The following STAG3 variants were observed in gnomAD, a reference collection of about 807,000 sequenced individuals.
STAG3 encodes the protein cohesin subunit SA-3.
Under a neutral mutation model 160.7 loss-of-function variants are expected in STAG3, and 101 were observed. The observed-to-expected ratio is 0.63, with a 90% CI of 0.54 to 0.74. The LOEUF is 0.74. STAG3 is among the 30% of genes least tolerant of loss of function. The pLI, the probability that STAG3 is intolerant of heterozygous loss-of-function variation, is 0.00. For missense variants in STAG3, 1,188 were observed against 1,517.4 expected (o/e 0.78, Z 3.61); for synonymous variants, 519 against 585.0 (o/e 0.89, Z 1.63).
chr7:100,186,671 CAG>C (rs1167458640), intron 5 of STAG3, among the ~76,000 whole-genome samples: 1 of 151,946 alleles, frequency 6.6e-6, no homozygotes, highest in African/African-American at 2.4e-5. Flanking sequence ...GCGACAGAGC[CAG>C]ACTGTCTTCA....
At chr7:100,204,876 A>G in intron 27 of STAG3, 101 bp downstream of exon 27, 1 of 1,513,194 alleles carries the variant, frequency 6.6e-7, no homozygotes, top group East Asian at 2.4e-5. Flanking sequence ...CATAGCAGTC[A>G]GGTTAGGGGT....
Position 100,199,376 on chromosome 7 carries a change from C to G in STAG3, c.1573+9C>G. The G allele has an allele frequency of 6.2e-7, 1 of 1,610,866 alleles. No homozygotes were observed. The highest frequency in any genetic ancestry group is 1.3e-5 in the African/African-American group (1 of 74,950). On this transcript the variant is annotated intron_variant, in intron 15 of 33. Transcript: ENST00000615138. ...GCTGGAGAAGGACCAGAGTACGTGT[C>G]ACACGGAGCCAGGGACAGGGACCTT...
chr7:100,213,636 A>G (rs1028290583), intron 32 of STAG3, 99 bp from the exon 33 acceptor site: 1 of 1,588,004 alleles, frequency 6.3e-7, no homozygotes, highest in African/African-American at 1.3e-5. Context: ...CTGTGCCCAT[A>G]TTTGTTCTTA....
chr7:100,185,319 G>T (rs1458579370), intron 4 of STAG3, among the ~76,000 whole-genome samples: 2 of 152,128 alleles, frequency 1.3e-5, no homozygotes, highest in African/African-American at 4.8e-5. Flanking sequence ...ATTCTGGGCT[G>T]GGTGTGGTGG....
chr7:100,204,504 A>C, intron 26 of STAG3, 123 bp from the exon 27 acceptor site: 1 of 1,214,638 alleles, frequency 8.2e-7, no homozygotes, highest in Non-Finnish European at 1.1e-6. Context: ...GGAAGGAAAG[A>C]GTAAAAGTAG....
intron 16 of STAG3, 135 bp from the exon 17 acceptor site, chr7:100,200,101 A>T (rs1429695343): frequency 8.2e-6 from 5 of 612,690 alleles, no homozygotes; most frequent in Non-Finnish European, 1.4e-5. Context: ...ATTTCCAGAA[A>T]AAAGAAATCT....
In STAG3 at chr7:100,198,001, C is replaced by T. The variant is rs2117260606; in HGVS notation, c.1165-86C>T. On this transcript the variant is annotated intron_variant, in intron 11 of 33. Coordinates refer to ENST00000615138, the MANE Select transcript of STAG3 (RefSeq NM_001282717.2). ...CCCAGCATCTGCCTCTACGTAGGCA[C>T]TCTCTTTAGGAGTCTCTGATTCTAA... 4 of 1,532,226 alleles carry T rather than the reference C, an allele frequency of 2.6e-6. No individual in the cohort carries two copies. The South Asian group carries it at 4.5e-5, about 17-fold the overall frequency. The allele number at this position is 1,532,226 out of a possible 1,614,324, so 94.9% of individuals were successfully genotyped here.
At chr7:100,201,437 G>A in intron 21 of STAG3, 86 bp downstream of exon 21, 1 of 1,175,776 alleles carries the variant, frequency 8.5e-7, no homozygotes, top group South Asian at 1.2e-5. Flanking sequence ...GGTGTGTCAA[G>A]TCTCAGTGCG....
chr7:100,215,361 T>C (rs1400031200), downstream of STAG3, among the ~76,000 whole-genome samples: 3 of 142,906 alleles, frequency 2.1e-5, no homozygotes, highest in African/African-American at 5.1e-5. Context: ...CACCTGCCCC[T>C]CCCAGATGAA....
chr7:100,218,741 G>A (rs1481540775), downstream of STAG3: 14 of 305,278 alleles, frequency 4.6e-5, no homozygotes, highest in Non-Finnish European at 9.1e-5. Flanking sequence ...TAGTGAAGGG[G>A]TGAAAGGTTT....
At chr7:100,179,151 T>C (rs1418863374) in intron 1 of STAG3, among the ~76,000 whole-genome samples, 1 of 151,836 alleles carries the variant, frequency 6.6e-6, no homozygotes, top group Non-Finnish European at 1.5e-5. Context: ...GCCTTTTTTT[T>C]TTTTTTTTTA....
rs1359098290 is a variant in STAG3, at chr7:100,197,188, T to G, written c.974T>G (p.Ile325Ser). Residue 325 changes from isoleucine to serine, a missense_variant, in exon 10 of 34, where the codon ATT becomes AGT. Transcript: ENST00000615138. Reference protein sequence around the residue: ...DVLPEIRAICIEEIGCWMQSY... With the variant: ...DVLPEIRAICSEEIGCWMQSY... ...CTTCCTGAGATCCGTGCTATCTGCA[T>G]TGAGGAAATTGGGTGTTGGATGCAA... The G allele has an allele frequency of 1.9e-6, 3 of 1,602,344 alleles. No individual in the cohort carries two copies. Among genetic ancestry groups the G allele is most frequent in the Admixed American group, 1.7e-5 (1 of 59,960 alleles).
intron 31 of STAG3, 58 bp downstream of exon 31, chr7:100,211,597 G>T: frequency 6.3e-7 from 1 of 1,575,918 alleles, no homozygotes; most frequent in Admixed American, 1.7e-5. Context: ...ACTGTGAGGG[G>T]ATTCCTGTCT....
Position 100,180,563 on chromosome 7 carries a change from T to C in STAG3, c.7T>C (p.Ser3Pro), listed in dbSNP as rs1177530694. 1.2e-6 allele frequency: 2 copies of C among 1,603,890 alleles called. No individual in the cohort carries two copies. ...TAGCTCCTCCTCTCCAAGCATGTCT[T>C]CCCCGTTGCAAAGAGCTGTGGGAGA... MS[S>P]PLQRAVGDTK... The change falls in exon 2 of 34, where the codon TCC (serine) becomes CCC (proline). Residue 3 changes from serine (S) to proline (P), a missense_variant. Coordinates refer to ENST00000615138, the MANE Select transcript of STAG3 (RefSeq NM_001282717.2).
chr7:100,182,334 G>A, intron 3 of STAG3, 142 bp downstream of exon 3: 2 of 612,280 alleles, frequency 3.3e-6, no homozygotes, highest in Non-Finnish European at 5.7e-6. Flanking sequence ...ACTCTAGCCT[G>A]GGCGACAGAG....
At position 100,189,114 on chromosome 7, in the gene STAG3, TCTTCA is replaced by T. The variant is rs1372133599; in HGVS notation, c.715+104_715+108del. On this transcript the variant is annotated intron_variant, in intron 7 of 33. Transcript: ENST00000615138. ...TCTTCTTTCCTACCTGCATCTTGGC[TCTTCA>T]CTTCAAGGCCATGCCTCTTTTATCC... 14 of 1,364,386 alleles carry T rather than the reference TCTTCA, an allele frequency of 1.0e-5. No homozygotes were observed. The African/African-American group carries it at 1.3e-4, about 13-fold the overall frequency. 84.5% of individuals were successfully genotyped at this position (1,364,386 alleles called of 1,614,324 possible). A position where few individuals can be genotyped will look rare whatever the true frequency, so the allele number is the denominator to read the frequency against.
At chr7:100,201,702 C>T in intron 21 of STAG3, 84 bp from the exon 22 acceptor site, 2 of 1,167,060 alleles carry the variant, frequency 1.7e-6, no homozygotes, top group Non-Finnish European at 2.6e-6. Context: ...CTCATTTTCT[C>T]TCCTCTTCAC....
chr7:100,210,957 A>G (rs1584781869), intron 29 of STAG3, 54 bp from the exon 30 acceptor site: 2 of 1,561,894 alleles, frequency 1.3e-6, no homozygotes, highest in East Asian at 2.3e-5. Context: ...TTGGAAAGAG[A>G]GCACACCTGT....
downstream of STAG3, among the ~76,000 whole-genome samples, chr7:100,215,501 A>G (rs1364009470): frequency 2.0e-5 from 3 of 152,186 alleles, no homozygotes; most frequent in African/African-American, 7.2e-5. Flanking sequence ...TTCTGGGGAA[A>G]GGAGCCTGTT....
Sources: gnomAD v4.1 joint callset for allele counts (sites outside exome capture counted in the v4.1 genomes callset) on GRCh38, gnomAD v4.1.1 for gene constraint, MANE v1.5 for transcripts, NCBI Gene and HGNC (gene_info 2026-07-23, HGNC 2026-07-21) for gene names.